Variants in ELP4 observed in about 807,000 individuals in gnomAD.
ELP4 encodes the protein elongator complex protein 4.
In ELP4, 51 loss-of-function variants were observed where a neutral mutation model predicts 48.9. The observed-to-expected ratio is 1.04, with a 90% CI of 0.83 to 1.32. The LOEUF (loss-of-function observed/expected upper bound fraction) is 1.32. Among genes scored for constraint, ELP4 ranks in the 40% most tolerant of loss-of-function variants. The pLI, the probability that ELP4 is intolerant of heterozygous loss-of-function variation, is 0.00. For synonymous variants in ELP4, 210 were observed against 189.2 expected (o/e 1.11, Z -0.90); for missense variants, 519 against 514.6 (o/e 1.01, Z -0.08).
At chr11:31,644,054 T>C (rs1020729358) in intron 7 of ELP4, among the ~76,000 whole-genome samples, 54 of 151,828 alleles carry the variant, frequency 3.6e-4, no homozygotes, top group African/African-American at 1.2e-3. Flanking sequence ...CTCTTCTGGC[T>C]TCCCTCCTAG....
intron 9 of ELP4, among the ~76,000 whole-genome samples, chr11:31,762,651 C>T (rs3026415): frequency 1.5e-3 from 226 of 151,912 alleles, no homozygotes; most frequent in African/African-American, 5.4e-3. Context: ...ATTTACAGCT[C>T]ATGTATCATA....
intron 9 of ELP4, among the ~76,000 whole-genome samples, chr11:31,668,721 T>TGTGTGTGTGTGTGTGTGTGTGTGTG (rs1565103640): frequency 1.1e-5 from 1 of 92,594 alleles, no homozygotes; most frequent in Non-Finnish European, 2.1e-5. Context: ...TGTGTGTGTG[T>TGTGTGTGTGTGTGTGTGTGTGTGTG]AAGAACCCTG....
chr11:31,569,774 T>TC (rs1448547327), intron 3 of ELP4, among the ~76,000 whole-genome samples: 2 of 152,098 alleles, frequency 1.3e-5, no homozygotes, highest in Admixed American at 6.5e-5. Flanking sequence ...AAAATGCTCA[T>TC]CATCACGAAT....
intron 3 of ELP4, among the ~76,000 whole-genome samples, chr11:31,541,883 T>C (rs906183173): frequency 6.6e-6 from 1 of 152,190 alleles, no homozygotes; most frequent in African/African-American, 2.4e-5. Flanking sequence ...ATGCAAGTAA[T>C]TGGGTGTTGC....
At chr11:31,781,956 T>G (rs964702547) in intron 9 of ELP4, among the ~76,000 whole-genome samples, 1 of 152,200 alleles carries the variant, frequency 6.6e-6, no homozygotes, top group Non-Finnish European at 1.5e-5. Flanking sequence ...GCTTAATAAG[T>G]GACAGGCTGG....
chr11:31,763,395 CTT>C (rs1947985971), intron 9 of ELP4: 2 of 1,576,234 alleles, frequency 1.3e-6, no homozygotes, highest in Admixed American at 1.8e-5. Context: ...AGTTGTGTCT[CTT>C]TTCTCTGAGG....
intron 9 of ELP4, among the ~76,000 whole-genome samples, chr11:31,697,355 A>G (rs2134150367): frequency 6.6e-6 from 1 of 152,158 alleles, no homozygotes; most frequent in African/African-American, 2.4e-5. Flanking sequence ...TCTCTACATC[A>G]GGGCTTTCAT....
intron 7 of ELP4, among the ~76,000 whole-genome samples, chr11:31,642,804 C>T (rs951342421): frequency 2.6e-5 from 4 of 151,682 alleles, no homozygotes; most frequent in African/African-American, 7.2e-5. Flanking sequence ...AAATCTAATC[C>T]ACAGAAGCAA....
intron 9 of ELP4, chr11:31,653,881 A>G (rs1309606818): frequency 6.6e-6 from 1 of 151,738 alleles, no homozygotes; most frequent in Non-Finnish European, 1.5e-5. Context: ...AGCGATCATT[A>G]ACCAGTTTTT....
chr11:31,690,480 A>T (rs1946255077), intron 9 of ELP4, among the ~76,000 whole-genome samples: 1 of 152,140 alleles, frequency 6.6e-6, no homozygotes, highest in Non-Finnish European at 1.5e-5. Context: ...TTCTACTAAA[A>T]TGTGAGTTTC....
chr11:31,693,896 A>G (rs1946338531), intron 9 of ELP4, among the ~76,000 whole-genome samples: 2 of 152,060 alleles, frequency 1.3e-5, no homozygotes, highest in Admixed American at 1.3e-4. Context: ...TTTGATTTGC[A>G]TTTCTTTGAT....
chr11:31,572,863 G>A (rs1439008241), intron 3 of ELP4, among the ~76,000 whole-genome samples: 1 of 152,012 alleles, frequency 6.6e-6, no homozygotes, highest in Admixed American at 6.6e-5. Context: ...CAGTTAGCTG[G>A]GCATGGTGGT....
intron 9 of ELP4, among the ~76,000 whole-genome samples, chr11:31,669,965 A>T (rs1244783230): frequency 6.6e-6 from 1 of 152,058 alleles, no homozygotes; most frequent in Non-Finnish European, 1.5e-5. Context: ...TTAACATCTA[A>T]CTCAGTCTTT....
At chr11:31,589,456 A>G (rs141102804) in intron 3 of ELP4, among the ~76,000 whole-genome samples, 303 of 152,326 alleles carry the variant, frequency 2.0e-3, no homozygotes, top group African/African-American at 6.9e-3. Flanking sequence ...AGTAAAGATC[A>G]TCTAGTGCCT....
At chr11:31,602,456 G>A (rs1210703904) in intron 4 of ELP4, among the ~76,000 whole-genome samples, 1 of 152,034 alleles carries the variant, frequency 6.6e-6, no homozygotes, top group Non-Finnish European at 1.5e-5. Context: ...GGATTGAAAA[G>A]ATTAGATTGA....
chr11:31,683,632 T>C (rs1314207782), intron 9 of ELP4, among the ~76,000 whole-genome samples: 1 of 152,166 alleles, frequency 6.6e-6, no homozygotes, highest in Non-Finnish European at 1.5e-5. Context: ...ATAAAATTAT[T>C]TTATGGTCTA....
intron 3 of ELP4, among the ~76,000 whole-genome samples, chr11:31,582,870 C>G (rs1201516748): frequency 6.7e-6 from 1 of 150,140 alleles, no homozygotes; most frequent in Non-Finnish European, 1.5e-5. Flanking sequence ...AAAGCCTTAG[C>G]AGTGGGAGGC....
chr11:31,781,899 T>A (rs1379593160), intron 9 of ELP4, among the ~76,000 whole-genome samples: 1 of 152,200 alleles, frequency 6.6e-6, no homozygotes, highest in Non-Finnish European at 1.5e-5. Context: ...GAAACAAATA[T>A]GTCTTTATTT....
intron 9 of ELP4, among the ~76,000 whole-genome samples, chr11:31,688,132 T>C (rs113119388): frequency 0.014 from 2,087 of 152,286 alleles, 46 homozygotes; most frequent in African/African-American, 0.045. Flanking sequence ...CAAAATACTT[T>C]GGAAAAAACA....
Sources: allele counts gnomAD v4.1 joint callset (sites outside exome capture counted in the v4.1 genomes callset), GRCh38; gene constraint gnomAD v4.1.1; transcripts MANE v1.5; gene names NCBI Gene and HGNC (gene_info 2026-07-23, HGNC 2026-07-21).